PTPRT: variants seen among roughly 807,000 people sequenced by gnomAD.
PTPRT encodes the protein protein tyrosine phosphatase receptor type T, also known as receptor-type tyrosine-protein phosphatase T.
Under a neutral mutation model 176.8 loss-of-function variants are expected in PTPRT, and 56 were observed. That is an observed-to-expected ratio of 0.32 (90% CI 0.26 to 0.40). The LOEUF (loss-of-function observed/expected upper bound fraction) is 0.40, where lower values mean the gene tolerates loss of function less well. PTPRT is among the 10% of genes least tolerant of loss of function. The pLI is 1.00. For missense variants in PTPRT, 1,540 were observed against 1,908.2 expected (o/e 0.81, Z 3.60); for synonymous variants, 783 against 739.0 (o/e 1.06, Z -0.96).
At chr20:42,829,754 G>A (rs2078055377) in intron 2 of PTPRT, among the ~76,000 whole-genome samples, 1 of 152,082 alleles carries the variant, frequency 6.6e-6, no homozygotes, top group Non-Finnish European at 1.5e-5. Context: ...AATTAGAAAT[G>A]ACAGAGGGGA....
At chr20:42,898,464 T>C (rs1454210121) in intron 1 of PTPRT, among the ~76,000 whole-genome samples, 1 of 152,150 alleles carries the variant, frequency 6.6e-6, no homozygotes, top group East Asian at 1.9e-4. Context: ...CTCCTGGGCC[T>C]TCCAAAGCAC....
chr20:42,447,763 C>T (rs1002307758), intron 9 of PTPRT, among the ~76,000 whole-genome samples: 11 of 152,120 alleles, frequency 7.2e-5, no homozygotes, highest in Non-Finnish European at 1.5e-5. Context: ...ATGCCTTGGG[C>T]ACAGAGCAAT....
At chr20:42,426,529 A>G (rs1368123333) in intron 9 of PTPRT, among the ~76,000 whole-genome samples, 1 of 152,180 alleles carries the variant, frequency 6.6e-6, no homozygotes, top group Non-Finnish European at 1.5e-5. Flanking sequence ...CTTCCTGGAC[A>G]CTGGACAAGA....
intron 7 of PTPRT, among the ~76,000 whole-genome samples, chr20:42,508,114 GTAATTACC>G (rs2071880729): frequency 6.8e-6 from 1 of 147,672 alleles, no homozygotes; most frequent in African/African-American, 2.6e-5. Flanking sequence ...AATAAAATCA[GTAATTACC>G]CTTTTTGTGT....
At chr20:42,166,518 A>AC (rs1555794971) in intron 16 of PTPRT, among the ~76,000 whole-genome samples, 2 of 152,026 alleles carry the variant, frequency 1.3e-5, no homozygotes, top group African/African-American at 4.8e-5. Context: ...ACTCTCAACT[A>AC]TTTTTTTTAA....
At position 42,392,777 on chromosome 20, in the gene PTPRT, G is replaced by T. The variant is rs529889510; in HGVS notation, c.1561-40492C>A. Among the ~76,000 whole-genome samples the T allele has an allele frequency of 1.2e-4, 18 of 152,306 alleles. No homozygotes were observed. The East Asian group carries it at 3.5e-3, about 29-fold the overall frequency. On this transcript the variant is annotated intron_variant, in intron 9 of 30. Coordinates refer to ENST00000373187, the MANE Select transcript of PTPRT (RefSeq NM_007050.6). ...AATTCACATGGAAAAGGACAGAAAA[G>T]GGCATGGGTGGTGCAGGGAAGAAAA...
intron 19 of PTPRT, among the ~76,000 whole-genome samples, chr20:42,123,795 G>A (rs887776335): frequency 2.0e-5 from 3 of 152,156 alleles, no homozygotes; most frequent in South Asian, 2.1e-4. Context: ...TGTCAATCAC[G>A]TCTGTGGAGA....
At chr20:42,268,560 A>G (rs1477665414) in intron 13 of PTPRT, among the ~76,000 whole-genome samples, 2 of 152,214 alleles carry the variant, frequency 1.3e-5, no homozygotes, top group Non-Finnish European at 2.9e-5. Context: ...CTGATAAGGT[A>G]GGGCTGGGGA....
At chr20:42,317,723 A>T (rs1195728822) in intron 11 of PTPRT, among the ~76,000 whole-genome samples, 1 of 152,216 alleles carries the variant, frequency 6.6e-6, no homozygotes, top group Admixed American at 6.5e-5. Flanking sequence ...GCCCTAAGAA[A>T]ATGTGACACA....
chr20:42,901,507 T>C (rs1208310241), intron 1 of PTPRT, among the ~76,000 whole-genome samples: 4 of 152,146 alleles, frequency 2.6e-5, no homozygotes, highest in South Asian at 2.1e-4. Context: ...CAATGACATA[T>C]ACTTAACACC....
At chr20:42,048,533 C>T in the PTPRT span, among the ~76,000 whole-genome samples, 2 of 152,122 alleles carry the variant, frequency 1.3e-5, no homozygotes, top group African/African-American at 4.8e-5. Context: ...GCTGCCACGT[C>T]GTGGGAGCTC....
intron 7 of PTPRT, among the ~76,000 whole-genome samples, chr20:42,506,777 G>A (rs1010367043): frequency 2.0e-5 from 3 of 152,084 alleles, no homozygotes; most frequent in African/African-American, 7.2e-5. Flanking sequence ...GAATCAATCC[G>A]TACGTTTTTA....
chr20:42,900,552 C>T (rs1272987363), intron 1 of PTPRT, among the ~76,000 whole-genome samples: 2 of 152,114 alleles, frequency 1.3e-5, no homozygotes, highest in Non-Finnish European at 2.9e-5. Context: ...ACTTCATTCC[C>T]GTAGCATCAA....
intron 9 of PTPRT, among the ~76,000 whole-genome samples, chr20:42,417,331 C>G (rs2059075195): frequency 6.6e-6 from 1 of 152,058 alleles, no homozygotes; most frequent in Non-Finnish European, 1.5e-5. Context: ...TTGGATTTTA[C>G]CCAAGCAGCC....
At chr20:42,298,020 C>G (rs1400120178) in intron 12 of PTPRT, among the ~76,000 whole-genome samples, 1 of 152,064 alleles carries the variant, frequency 6.6e-6, no homozygotes, top group Non-Finnish European at 1.5e-5. Flanking sequence ...AAAAATGATT[C>G]ATCTGACAAC....
At chr20:42,535,489 C>CTTTT (rs776899044) in intron 7 of PTPRT, among the ~76,000 whole-genome samples, 275 of 152,286 alleles carry the variant, frequency 1.8e-3, no homozygotes, top group Non-Finnish European at 3.2e-3. Flanking sequence ...AGTTAAAATA[C>CTTTT]ATATGATGTA....
intron 15 of PTPRT, among the ~76,000 whole-genome samples, chr20:42,217,150 G>A (rs928836666): frequency 2.6e-5 from 4 of 152,050 alleles, no homozygotes; most frequent in African/African-American, 9.7e-5. Flanking sequence ...GAGGCAGGTG[G>A]ATCACCTGAG....
At chr20:42,971,424 C>T (rs1407049054) in intron 1 of PTPRT, 1 of 152,162 alleles carries the variant, frequency 6.6e-6, no homozygotes, top group African/African-American at 2.4e-5. Context: ...TCAGATGTCT[C>T]TCCCCTGTTT....
chr20:42,071,892 T>A (rs1035777944), downstream of PTPRT, among the ~76,000 whole-genome samples: 2 of 151,980 alleles, frequency 1.3e-5, no homozygotes, highest in Non-Finnish European at 2.9e-5. Context: ...CTCCTGGGCC[T>A]AAGTGATCTC....
Sources: allele counts gnomAD v4.1 joint callset (sites outside exome capture counted in the v4.1 genomes callset), GRCh38; gene constraint gnomAD v4.1.1; transcripts MANE v1.5; gene names NCBI Gene and HGNC (gene_info 2026-07-23, HGNC 2026-07-21).